Variants in ZNF398 observed in about 807,000 individuals in gnomAD.
ZNF398 encodes the protein zinc finger protein 398.
A neutral mutation model predicts 41.9 loss-of-function variants in ZNF398; 18 were observed. That is an observed-to-expected ratio of 0.43 (90% CI 0.30 to 0.64). ZNF398 has a LOEUF of 0.64. Ranked by LOEUF, ZNF398 falls within the 30% of genes least tolerant of loss-of-function variation. The pLI is 0.14. For synonymous variants in ZNF398, 260 were observed against 308.8 expected, an observed-to-expected ratio of 0.84 and a Z score of 1.66; for missense variants, 669 against 822.8, an observed-to-expected ratio of 0.81 and a Z score of 2.29.
chr7:149,148,319 TG>T, intron 1 of ZNF398: 1 of 431,154 alleles, frequency 2.3e-6, no homozygotes, highest in Non-Finnish European at 3.1e-6. Context: ...CTCGCGTGCG[TG>T]GCGGTTCATT....
chr7:149,144,577 C>T (rs892246514), upstream of ZNF398, among the ~76,000 whole-genome samples: 3 of 146,546 alleles, frequency 2.0e-5, no homozygotes, highest in Non-Finnish European at 4.5e-5. Flanking sequence ...CCACTGTGCT[C>T]GGCTACTACA....
Position 149,180,522 on chromosome 7 carries a change from A to G in ZNF398, c.*721A>G, listed in dbSNP as rs1039244881. 1.3e-5 allele frequency: 2 copies of G among 152,252 alleles called. No homozygotes were observed. The highest frequency in any genetic ancestry group is 2.9e-5 in the Non-Finnish European group (2 of 68,048). 9.4% of individuals were successfully genotyped at this position (152,252 alleles called of 1,614,324 possible). A position where few individuals can be genotyped will look rare whatever the true frequency, so the allele number is the denominator to read the frequency against. On this transcript the variant is annotated 3_prime_UTR_variant, in exon 6 of 6. Coordinates refer to ENST00000475153, the MANE Select transcript of ZNF398 (RefSeq NM_170686.3). ...TGATTTGAAACAGGCTCTTATTGCC[A>G]TTTAAACTGCCAGAAATCTTTGCCA...
intron 2 of ZNF398, among the ~76,000 whole-genome samples, chr7:149,155,684 T>C (rs953551415): frequency 6.3e-4 from 61 of 96,344 alleles, no homozygotes; most frequent in Non-Finnish European, 8.7e-4. Context: ...TATATTTGGT[T>C]ATATATATAT....
Position 149,178,945 on chromosome 7 carries a change from T to G in ZNF398, c.1073T>G (p.Leu358Arg). The change falls in exon 6 of 6, where the codon CTG becomes CGG. Residue 358 changes from leucine (L) to arginine (R), a missense_variant. Leu to Arg is a moderately radical substitution (Grantham distance 102, BLOSUM62 -2). Around this residue, in one of 3 missense-constraint regions of ZNF398, gnomAD observed 290 missense variants for 292.9 expected, o/e 0.99. Transcript: ENST00000475153. ...AAGAATCTCAGCCAAGACATGTTGC[T>G]GACCCACCAATGTAGCCATGCTACT... ...CGKNLSQDML[L>R]THQCSHATEH... 1 of 1,614,180 alleles carries G rather than the reference T, an allele frequency of 6.2e-7. No homozygotes were observed.
intron 2 of ZNF398, among the ~76,000 whole-genome samples, chr7:149,157,947 C>G (rs1585523420): frequency 6.7e-6 from 1 of 150,176 alleles, no homozygotes; most frequent in South Asian, 2.1e-4. Flanking sequence ...TGGTGGCAGG[C>G]GCCTGTAGTC....
intron 2 of ZNF398, among the ~76,000 whole-genome samples, chr7:149,159,415 A>ACCAG: frequency 6.6e-6 from 1 of 151,862 alleles, no homozygotes; most frequent in Non-Finnish European, 1.5e-5. Flanking sequence ...TGGGAGGCTG[A>ACCAG]GGCAGGTGGA....
intron 1 of ZNF398, among the ~76,000 whole-genome samples, chr7:149,153,491 C>T (rs1358032615): frequency 6.6e-6 from 1 of 152,160 alleles, no homozygotes; most frequent in Non-Finnish European, 1.5e-5. Context: ...ATTCAAGATT[C>T]TTAGCTTATT....
intron 4 of ZNF398, among the ~76,000 whole-genome samples, chr7:149,174,073 C>T (rs973852172): frequency 2.6e-5 from 4 of 151,956 alleles, no homozygotes; most frequent in East Asian, 1.9e-4. Context: ...GGATTACAGG[C>T]GTGACCCACC....
chr7:149,159,071 C>G (rs1190824674), intron 2 of ZNF398, among the ~76,000 whole-genome samples: 2 of 150,152 alleles, frequency 1.3e-5, no homozygotes, highest in African/African-American at 4.9e-5. Context: ...TTCCACTTCC[C>G]GGGGTCAAAC....
chr7:149,157,674 C>T (rs1795011280), intron 2 of ZNF398, among the ~76,000 whole-genome samples: 1 of 148,264 alleles, frequency 6.7e-6, no homozygotes, highest in African/African-American at 2.5e-5. Flanking sequence ...CCCGTCTCTA[C>T]TAAAAGTACA....
At chr7:149,176,756 T>C (rs540766413) in intron 5 of ZNF398, among the ~76,000 whole-genome samples, 175 bp downstream of exon 5, 1 of 152,246 alleles carries the variant, frequency 6.6e-6, no homozygotes, top group Admixed American at 6.5e-5. Flanking sequence ...AAATTTGAAG[T>C]GAGTGAGAAA....
At chr7:149,133,140 G>C (rs551728502) in intron 2 of ZNF398, among the ~76,000 whole-genome samples, 1 of 149,942 alleles carries the variant, frequency 6.7e-6, no homozygotes, top group South Asian at 2.1e-4. Context: ...TTTCTTGATA[G>C]AGTTTCACCC....
At chr7:149,142,452 G>A (rs563635718) in intron 2 of ZNF398, among the ~76,000 whole-genome samples, 1 of 152,320 alleles carries the variant, frequency 6.6e-6, no homozygotes, top group South Asian at 2.1e-4. Flanking sequence ...CGGATCACGA[G>A]GTCAGGAGAT....
chr7:149,153,703 T>C (rs929696188), intron 1 of ZNF398, among the ~76,000 whole-genome samples: 2 of 152,210 alleles, frequency 1.3e-5, no homozygotes, highest in African/African-American at 2.4e-5. Context: ...TATACCAGAC[T>C]AGTTCAAGAG....
intron 2 of ZNF398, among the ~76,000 whole-genome samples, chr7:149,161,689 C>A (rs1006643616): frequency 1.3e-5 from 2 of 151,966 alleles, no homozygotes; most frequent in South Asian, 2.1e-4. Flanking sequence ...TACTCAAGTG[C>A]CTATTAAATG....
chr7:149,166,970 C>A, intron 4 of ZNF398, 40 bp downstream of exon 4: 1 of 1,444,152 alleles, frequency 6.9e-7, no homozygotes, highest in Non-Finnish European at 9.6e-7. Context: ...GTCTCCCTTT[C>A]CTGGTCAGAC....
At chr7:149,143,972 C>T (rs1293144566), upstream of ZNF398, among the ~76,000 whole-genome samples, 1 of 152,140 alleles carries the variant, frequency 6.6e-6, no homozygotes, top group Non-Finnish European at 1.5e-5. Flanking sequence ...AGTACAACAA[C>T]CTTACATCTG....
At chr7:149,128,564 T>C (rs1017831790) in intron 1 of ZNF398, among the ~76,000 whole-genome samples, 16 of 151,748 alleles carry the variant, frequency 1.1e-4, no homozygotes, top group African/African-American at 3.6e-4. Flanking sequence ...CTGGGCAACA[T>C]GGCGAAACCC....
At chr7:149,166,791 C>T (rs1164762160) in intron 3 of ZNF398, 26 bp from the exon 4 acceptor site, 1 of 1,518,336 alleles carries the variant, frequency 6.6e-7, no homozygotes, top group Non-Finnish European at 9.1e-7. Context: ...CTTTGTAATA[C>T]TCTCTCTTCC....
Sources: gnomAD v4.1 joint callset for allele counts (sites outside exome capture counted in the v4.1 genomes callset) on GRCh38, gnomAD v4.1.1 for gene constraint, gnomAD v4.1.1 regional missense constraint, MANE v1.5 for transcripts, NCBI Gene and HGNC (gene_info 2026-07-23, HGNC 2026-07-21) for gene names.